SNTB2: variants seen among roughly 807,000 people sequenced by gnomAD.
The protein encoded by SNTB2 is beta-2-syntrophin.
A neutral mutation model predicts 46.2 loss-of-function variants in SNTB2; 34 were observed. That is an observed-to-expected ratio of 0.74 (90% CI 0.56 to 0.98). The LOEUF (loss-of-function observed/expected upper bound fraction) is 0.98, where lower values mean the gene tolerates loss of function less well. SNTB2 is among the 50% of genes least tolerant of loss of function. The pLI is 0.00. For missense variants in SNTB2, 603 were observed against 731.4 expected (o/e 0.82, Z 2.02); for synonymous variants, 290 against 312.6 (o/e 0.93, Z 0.76).
intron 5 of SNTB2, among the ~76,000 whole-genome samples, chr16:69,298,425 C>G (rs1965247044): frequency 6.6e-6 from 1 of 151,990 alleles, no homozygotes; most frequent in Non-Finnish European, 1.5e-5. Flanking sequence ...CCTGAAAGGC[C>G]TCTCTGCCTT....
At chr16:69,297,279 T>TC (rs1353212220) in intron 5 of SNTB2, among the ~76,000 whole-genome samples, 3 of 119,842 alleles carry the variant, frequency 2.5e-5, no homozygotes, top group South Asian at 5.2e-4. Flanking sequence ...TGCACTCCAG[T>TC]CTAGGTGACA....
intron 3 of SNTB2, among the ~76,000 whole-genome samples, chr16:69,268,155 T>C (rs190683267): frequency 2.6e-4 from 39 of 152,294 alleles, no homozygotes; most frequent in Admixed American, 2.2e-3. Flanking sequence ...CCTTCTAAGC[T>C]GAAACATAAA....
At chr16:69,198,066 T>A (rs1464734897) in intron 1 of SNTB2, among the ~76,000 whole-genome samples, 1 of 151,708 alleles carries the variant, frequency 6.6e-6, no homozygotes, top group Non-Finnish European at 1.5e-5. Flanking sequence ...TTGATATTGA[T>A]CTCTGTTGTC....
chr16:69,255,848 G>A lies in SNTB2; in HGVS notation c.795-4202G>A, dbSNP rs1230725949. On this transcript the variant is annotated intron_variant, in intron 2 of 6. Transcript: ENST00000336278. ...GCTGAGACCGCGCCATTGCACTCCA[G>A]CCCGGGCAACAAGAGGTAAACTCTG... is the stretch of plus-strand genomic sequence containing the variant. 5.4e-5 allele frequency among the ~76,000 whole-genome samples: 8 copies of A among 149,092 alleles called. No individual in the cohort carries two copies. In the East Asian group the frequency reaches 1.6e-3, roughly 30 times the overall value.
At chr16:69,281,248 T>G (rs76821392) in intron 4 of SNTB2, among the ~76,000 whole-genome samples, 4 of 150,994 alleles carry the variant, frequency 2.6e-5, no homozygotes, top group African/African-American at 9.8e-5. Flanking sequence ...TTTTTTTTTT[T>G]GAGACGAAGT....
At chr16:69,282,154 C>T (rs1329653007) in intron 4 of SNTB2, among the ~76,000 whole-genome samples, 2 of 149,876 alleles carry the variant, frequency 1.3e-5, no homozygotes, top group East Asian at 4.2e-4. Context: ...ATCCGCCCGC[C>T]TTGGCCTCCC....
intron 1 of SNTB2, among the ~76,000 whole-genome samples, chr16:69,192,344 C>G (rs921026869): frequency 3.7e-4 from 57 of 152,180 alleles, no homozygotes; most frequent in Admixed American, 3.5e-3. Context: ...AGTCTCCTTC[C>G]AACTGCCTGT....
rs555592568 is a variant in SNTB2, at chr16:69,292,527, C to T, written c.1346-7063C>T. On this transcript the variant is annotated intron_variant, in intron 5 of 6. Transcript: ENST00000336278. ...CACGATCTTGGCTCACTGCAACCTC[C>T]GCCTCCCGGGTTCAAGCAATTCTCC... Among the ~76,000 whole-genome samples, 116 of 142,688 alleles carry T rather than the reference C, an allele frequency of 8.1e-4. 1 individual carries two copies. Among genetic ancestry groups the T allele is most frequent in the East Asian group, 4.1e-4 (2 of 4,888 alleles). 93.6% of individuals were successfully genotyped at this position (142,688 alleles called of 152,430 possible).
rs1963995367 is a variant in SNTB2, at chr16:69,187,176, G to T, written c.10G>T (p.Ala4Ser). MRV[A>S]AATAAAGAGP... ...AGGCTGCCTGACTGGAATGAGGGTAGCTGCGGCGACTGCGGCGGCTGGAGC... is the reference window on the plus strand; with the variant it reads ...AGGCTGCCTGACTGGAATGAGGGTATCTGCGGCGACTGCGGCGGCTGGAGC... The change falls in exon 1 of 7, where the codon GCT (alanine) becomes TCT (serine). Residue 4 changes from alanine (A) to serine (S), a missense_variant. Transcript: ENST00000336278. 1 of 1,373,248 alleles carries T rather than the reference G, an allele frequency of 7.3e-7. No individual in the cohort carries two copies. The highest frequency in any genetic ancestry group is 2.9e-5 in the East Asian group (1 of 34,632). The allele number at this position is 1,373,248 out of a possible 1,614,324, so 85.1% of individuals were successfully genotyped here.
intron 1 of SNTB2, among the ~76,000 whole-genome samples, chr16:69,194,291 T>C (rs1056108773): frequency 6.6e-6 from 1 of 152,236 alleles, no homozygotes; most frequent in Non-Finnish European, 1.5e-5. Flanking sequence ...ATTTTAAATA[T>C]ACCTTTTTGA....
intron 5 of SNTB2, among the ~76,000 whole-genome samples, chr16:69,295,600 A>G (rs1965216133): frequency 6.6e-6 from 1 of 152,102 alleles, no homozygotes; most frequent in Non-Finnish European, 1.5e-5. Flanking sequence ...CATAGTGGAC[A>G]CATAGCCATC....
chr16:69,274,090 G>T (rs1964963113), intron 4 of SNTB2, among the ~76,000 whole-genome samples: 1 of 151,978 alleles, frequency 6.6e-6, no homozygotes, highest in African/African-American at 2.4e-5. Context: ...GAGGCTGGCG[G>T]ATCACGAGGT....
chr16:69,238,809 A>G (rs1047786726), intron 1 of SNTB2, among the ~76,000 whole-genome samples: 1 of 151,980 alleles, frequency 6.6e-6, no homozygotes, highest in African/African-American at 2.4e-5. Context: ...TCCAACTCCT[A>G]TCATCTCTCA....
intron 2 of SNTB2, among the ~76,000 whole-genome samples, chr16:69,259,282 T>C (rs1335166008): frequency 7.0e-6 from 1 of 142,510 alleles, no homozygotes; most frequent in Non-Finnish European, 1.5e-5. Flanking sequence ...AGTTTCGCTC[T>C]GTCACCTAGG....
intron 2 of SNTB2, among the ~76,000 whole-genome samples, chr16:69,249,048 A>G (rs1181580908): frequency 7.0e-6 from 1 of 141,984 alleles, no homozygotes; most frequent in Non-Finnish European, 1.5e-5. Context: ...TTTTTGAGAC[A>G]GGGCTTCACT....
rs1965270573 is a variant in SNTB2, at chr16:69,300,730, T to C, written c.1531-102T>C. The C allele has an allele frequency of 2.6e-5, 21 of 800,120 alleles. 1 individual carries two copies. In the South Asian group the frequency reaches 3.1e-4, roughly 12 times the overall value. The allele number at this position is 800,120 out of a possible 1,614,324, so 49.6% of individuals were successfully genotyped here. A position where few individuals can be genotyped will look rare whatever the true frequency, so the allele number is the denominator to read the frequency against. ...AAGTTCCTAAGAGTTTCCATAGCTC[T>C]GGCACATTCTTTACCTACCTTAAAT... is the stretch of plus-strand genomic sequence containing the variant. On this transcript the variant is annotated intron_variant, in intron 6 of 6. Transcript: ENST00000336278.
chr16:69,285,305 G>C (rs1965091697), intron 5 of SNTB2, among the ~76,000 whole-genome samples: 1 of 149,380 alleles, frequency 6.7e-6, no homozygotes, highest in Non-Finnish European at 1.5e-5. Context: ...ATGACTCGAA[G>C]TACATTTATA....
chr16:69,232,136 T>TA (rs1312236885), intron 1 of SNTB2, among the ~76,000 whole-genome samples: 1 of 151,632 alleles, frequency 6.6e-6, no homozygotes, highest in African/African-American at 2.4e-5. Flanking sequence ...CGATGAGGCC[T>TA]AAAAAATACT....
chr16:69,275,315 T>G (rs925473493), intron 4 of SNTB2, among the ~76,000 whole-genome samples: 9 of 152,182 alleles, frequency 5.9e-5, no homozygotes, highest in African/African-American at 1.9e-4. Flanking sequence ...TTCTCATGCC[T>G]CTCAGTCTCC....
Sources: allele counts gnomAD v4.1 joint callset (sites outside exome capture counted in the v4.1 genomes callset), GRCh38; gene constraint gnomAD v4.1.1; transcripts MANE v1.5; gene names NCBI Gene and HGNC (gene_info 2026-07-23, HGNC 2026-07-21).